GSDMC: variants seen among roughly 807,000 people sequenced by gnomAD.
GSDMC encodes the protein gasdermin-C.
In GSDMC, 59 loss-of-function variants were observed where a neutral mutation model predicts 58.0. The ratio of observed to expected loss-of-function variants is 1.02; its 90% confidence interval spans 0.82 to 1.26. GSDMC has a LOEUF of 1.26. Ranked by LOEUF, GSDMC falls within the 50% of genes most tolerant of loss-of-function variation. GSDMC has a pLI of 0.00. For synonymous variants in GSDMC, 241 were observed against 220.2 expected, an observed-to-expected ratio of 1.09 and a Z score of -0.83; for missense variants, 659 against 598.5, an observed-to-expected ratio of 1.10 and a Z score of -1.06.
chr8:129,761,041 G>GAAGAAGACA lies in GSDMC; in HGVS notation c.677-453_677-452insTGTCTTCTT, dbSNP rs2033640109. ...GAAGACAAAAAGTTGTATAAGGGTT[G>GAAGAAGACA]AAAAGTGTGAACTGAATGAAGTTAG... On this transcript the variant is annotated intron_variant, in intron 5 of 13. Transcript: ENST00000276708. Among the ~76,000 whole-genome samples the GAAGAAGACA allele has an allele frequency of 2.0e-5, 3 of 152,142 alleles. No homozygotes were observed. In the South Asian group the frequency reaches 6.2e-4, roughly 32 times the overall value.
intron 3 of GSDMC, among the ~76,000 whole-genome samples, chr8:129,769,751 T>C (rs939129163): frequency 1.3e-5 from 2 of 152,148 alleles, no homozygotes; most frequent in Admixed American, 1.3e-4. Flanking sequence ...TTAGGAGTTT[T>C]GGAGGGGACA....
chr8:129,727,913 G>A, the GSDMC span, among the ~76,000 whole-genome samples: 3 of 152,132 alleles, frequency 2.0e-5, no homozygotes, highest in African/African-American at 4.8e-5. Flanking sequence ...TTCAGCCAGG[G>A]CCATCTTGGC....
the GSDMC span, among the ~76,000 whole-genome samples, chr8:129,733,747 A>C: frequency 6.6e-6 from 1 of 150,606 alleles, no homozygotes; most frequent in Non-Finnish European, 1.5e-5. Flanking sequence ...AATTCTAAAA[A>C]CCAGAGCGCC....
rs2033711548 is a variant in GSDMC at position 129,762,665 on chromosome 8, T to C, written c.637A>G (p.Met213Val). ...KALTLQKGMV[M>V]AYKRKQLVIK... ...ACCAGCTGCTTTCTCTTATAAGCCA[T>C]CACCATGCCTTTCTGAAGAGTCAGC... Residue 213 changes from methionine (M) to valine (V), a missense_variant, in exon 5 of 14, where the codon ATG (methionine) becomes GTG (valine). Met to Val is a conservative substitution (Grantham distance 21). Transcript: ENST00000276708. 1.2e-6 allele frequency: 2 copies of C among 1,613,920 alleles called. No individual in the cohort carries two copies. Among genetic ancestry groups the C allele is most frequent in the East Asian group, 2.2e-5 (1 of 44,886 alleles).
the GSDMC span, among the ~76,000 whole-genome samples, chr8:129,707,513 C>T: frequency 2.0e-5 from 3 of 151,988 alleles, no homozygotes; most frequent in Non-Finnish European, 4.4e-5. Context: ...TTGTGCCATG[C>T]CAGTTTTAAA....
intron 11 of GSDMC, 116 bp from the exon 12 acceptor site, chr8:129,750,235 C>T: frequency 1.1e-5 from 11 of 1,045,056 alleles, no homozygotes; most frequent in Non-Finnish European, 1.5e-5. Flanking sequence ...CTACCTCCCC[C>T]AGGGGATTCC....
chr8:129,727,967 T>C, the GSDMC span, among the ~76,000 whole-genome samples: 4 of 152,286 alleles, frequency 2.6e-5, no homozygotes, highest in East Asian at 7.7e-4. Context: ...GTGCCCAGAC[T>C]GCTCCTCTGA....
rs924079087 is a variant in GSDMC, at chr8:129,749,452, C to T, written c.1287G>A (p.Leu429=). ...EKRILLQQQE[L]VRSILEPNFR... The stretch of plus-strand genomic sequence containing the variant: ...CTTCTGGCCCCTGGGAAGTTCTCAC[C>T]AGCTCCTGTTGCTGAAGCAGGATCC... The change falls in exon 13 of 14, where the codon CTG becomes CTA. Residue 429 remains leucine (L), a splice_region_variant and synonymous_variant. Coordinates refer to ENST00000276708, the MANE Select transcript of GSDMC (RefSeq NM_031415.3). 5.6e-6 allele frequency: 9 copies of T among 1,610,758 alleles called. 1 individual carries two copies. The highest frequency in any genetic ancestry group is 5.5e-5 in the South Asian group (5 of 91,006).
the GSDMC span, among the ~76,000 whole-genome samples, chr8:129,719,456 TAATC>T: frequency 1.3e-5 from 2 of 152,180 alleles, no homozygotes; most frequent in African/African-American, 4.8e-5. Flanking sequence ...ACTCAGTAAT[TAATC>T]AAACAAATTG....
intron 3 of GSDMC, among the ~76,000 whole-genome samples, chr8:129,770,637 T>C (rs1330952293): frequency 2.0e-5 from 3 of 151,964 alleles, no homozygotes; most frequent in Admixed American, 1.3e-4. Context: ...CTGTATTAGA[T>C]ATGCAAAAGA....
At chr8:129,778,846 G>A (rs868128896) in intron 1 of GSDMC, among the ~76,000 whole-genome samples, 14 of 148,922 alleles carry the variant, frequency 9.4e-5, no homozygotes, top group African/African-American at 2.7e-4. Flanking sequence ...GCCAACAATC[G>A]TATAAAAAAA....
the GSDMC span, among the ~76,000 whole-genome samples, chr8:129,721,590 C>T: frequency 8.0e-6 from 1 of 124,318 alleles, no homozygotes; most frequent in South Asian, 2.6e-4. Context: ...ACTCAAATTA[C>T]CTCTCATAAA....
chr8:129,710,242 C>T, the GSDMC span, among the ~76,000 whole-genome samples: 3 of 152,102 alleles, frequency 2.0e-5, no homozygotes, highest in Admixed American at 1.3e-4. Context: ...TGCTTGTATA[C>T]AACACTCAAA....
chr8:129,743,862 A>G (rs2032913372), downstream of GSDMC, among the ~76,000 whole-genome samples: 1 of 152,202 alleles, frequency 6.6e-6, no homozygotes, highest in Non-Finnish European at 1.5e-5. Flanking sequence ...GTGTTCAATG[A>G]GTTCTGTCCA....
intron 6 of GSDMC, among the ~76,000 whole-genome samples, chr8:129,754,455 C>T (rs1175412966): frequency 2.0e-5 from 3 of 151,878 alleles, no homozygotes; most frequent in Admixed American, 2.0e-4. Flanking sequence ...ACAGGAAAAC[C>T]AAGTCCCTTT....
intron 4 of GSDMC, among the ~76,000 whole-genome samples, chr8:129,764,993 C>A (rs2033806602): frequency 6.6e-6 from 1 of 152,086 alleles, no homozygotes; most frequent in Non-Finnish European, 1.5e-5. Flanking sequence ...CGGGTTTCTT[C>A]TTTAGTTTTT....
the GSDMC span, among the ~76,000 whole-genome samples, chr8:129,719,198 C>A: frequency 6.6e-6 from 1 of 151,992 alleles, no homozygotes; most frequent in African/African-American, 2.4e-5. Context: ...CAAAAAAAAT[C>A]TTGAAAAAGA....
At chr8:129,738,109 A>G in the GSDMC span, among the ~76,000 whole-genome samples, 1 of 152,242 alleles carries the variant, frequency 6.6e-6, no homozygotes, top group African/African-American at 2.4e-5. Flanking sequence ...AATCAAAACC[A>G]CAATGAGATA....
intron 1 of GSDMC, among the ~76,000 whole-genome samples, chr8:129,780,292 A>G (rs1474718613): frequency 6.6e-6 from 1 of 152,230 alleles, no homozygotes; most frequent in African/African-American, 2.4e-5. Flanking sequence ...GTACAAGAAG[A>G]TAATAGAACA....
Sources: gnomAD v4.1 joint callset for allele counts (sites outside exome capture counted in the v4.1 genomes callset) on GRCh38, gnomAD v4.1.1 for gene constraint, MANE v1.5 for transcripts, NCBI Gene and HGNC (gene_info 2026-07-23, HGNC 2026-07-21) for gene names.